Variants in PKHD1 observed in about 807,000 individuals in gnomAD.
The protein encoded by PKHD1 is fibrocystin.
Under a neutral mutation model 412.0 loss-of-function variants are expected in PKHD1, and 291 were observed. That is an observed-to-expected ratio of 0.71 (90% CI 0.64 to 0.78). PKHD1 has a LOEUF of 0.78. Among genes scored for constraint, PKHD1 ranks in the 30% least tolerant of loss-of-function variants. The pLI, the probability that PKHD1 is intolerant of heterozygous loss-of-function variation, is 0.00. For synonymous variants in PKHD1, 1,777 were observed against 1,821.5 expected (o/e 0.98, Z 0.62); for missense variants, 4,825 against 4,950.7 (o/e 0.97, Z 0.76).
chr6:51,771,806 G>A (rs1790187510), intron 55 of PKHD1, among the ~76,000 whole-genome samples: 1 of 152,082 alleles, frequency 6.6e-6, no homozygotes, highest in South Asian at 2.1e-4. Context: ...CGTCTTAGCA[G>A]TGTGTCCAAT....
At chr6:51,638,751 T>C in intron 64 of PKHD1, 98 bp downstream of exon 64, 1 of 779,616 alleles carries the variant, frequency 1.3e-6, no homozygotes, top group Non-Finnish European at 2.2e-6. Context: ...TGACCTCTTA[T>C]TCATGATAGT....
At chr6:51,868,177 T>C (rs1044364014) in intron 47 of PKHD1, 68 bp from the exon 48 acceptor site, 1 of 1,300,172 alleles carries the variant, frequency 7.7e-7, no homozygotes, top group South Asian at 1.2e-5. Flanking sequence ...ACTGGAGTGA[T>C]GGTCTTAGGA....
intron 27 of PKHD1, among the ~76,000 whole-genome samples, chr6:52,037,305 T>C (rs1380275244): frequency 6.6e-6 from 1 of 152,126 alleles, no homozygotes; most frequent in Non-Finnish European, 1.5e-5. Context: ...TTTATTTTCA[T>C]ATAATTTCAG....
intron 49 of PKHD1, among the ~76,000 whole-genome samples, chr6:51,854,920 T>C (rs1773003157): frequency 6.6e-6 from 1 of 152,238 alleles, no homozygotes; most frequent in South Asian, 2.1e-4. Context: ...GGAGCTCAAA[T>C]GGCTTAGACA....
chr6:51,952,777 ACTT>A (rs985680375), intron 36 of PKHD1, among the ~76,000 whole-genome samples: 16 of 152,070 alleles, frequency 1.1e-4, no homozygotes, highest in African/African-American at 1.2e-4. Context: ...TCTGATGCTA[ACTT>A]CTTCATCAGG....
Position 51,911,926 on chromosome 6 carries a change from C to T in PKHD1, c.6363G>A (p.Val2121=). The change falls in exon 39 of 67, where the codon GTG becomes GTA. Residue 2121 remains valine (V), a synonymous_variant. Transcript: ENST00000371117. ...RYSHNFTENW[V]AGEHHILKAT... ...CCTTTAAAATATGGTGCTCTCCAGC[C>T]ACCCAATTCTCTGTAAAGTTGTGAG... The T allele has an allele frequency of 1.2e-6, 2 of 1,611,962 alleles. No individual in the cohort carries two copies. Among genetic ancestry groups the T allele is most frequent in the Non-Finnish European group, 1.7e-6 (2 of 1,178,670 alleles).
chr6:51,881,591 T>C lies in PKHD1; in HGVS notation c.7350+1502A>G, dbSNP rs576915175. Among the ~76,000 whole-genome samples, 5 of 152,320 alleles carry C rather than the reference T, an allele frequency of 3.3e-5. No homozygotes were observed. In the South Asian group the frequency reaches 1.0e-3, roughly 32 times the overall value. ...ACATTGGTATGAACACTAATAAATG[T>C]CCTTTGCCAAAGCCATTTTCCATGT... On this transcript the variant is annotated intron_variant, in intron 46 of 66. Coordinates refer to ENST00000371117, the MANE Select transcript of PKHD1 (RefSeq NM_138694.4).
intron 64 of PKHD1, 134 bp downstream of exon 64, chr6:51,638,715 A>G (rs1768912835): frequency 1.4e-6 from 1 of 697,124 alleles, no homozygotes; most frequent in African/African-American, 1.8e-5. Context: ...TGATACAGTC[A>G]AGTGAATTTA....
At chr6:52,068,919 G>C (rs1810162160) in intron 11 of PKHD1, among the ~76,000 whole-genome samples, 2 of 152,214 alleles carry the variant, frequency 1.3e-5, no homozygotes, top group Admixed American at 1.3e-4. Flanking sequence ...TTCAGTGGCT[G>C]TGTGACTGTA....
chr6:52,020,045 G>A (rs1025556694), intron 33 of PKHD1, among the ~76,000 whole-genome samples: 2 of 152,028 alleles, frequency 1.3e-5, no homozygotes, highest in Non-Finnish European at 2.9e-5. Context: ...TCTGTAACCT[G>A]GAATGTGAAA....
rs1794875165 is a variant in PKHD1, at chr6:51,798,111, G to T, written c.8303-6738C>A. On this transcript the variant is annotated intron_variant, in intron 52 of 66. Coordinates refer to ENST00000371117, the MANE Select transcript of PKHD1 (RefSeq NM_138694.4). ...TCTAGGTTGGGGGCCAGGTGCAGTG[G>T]CTCGTGCCTGTAATTCCAGCACTTT... Among the ~76,000 whole-genome samples the T allele has an allele frequency of 2.0e-5, 3 of 152,150 alleles. No homozygotes were observed. The South Asian group carries it at 6.2e-4, about 32-fold the overall frequency.
chr6:51,935,766 A>G (rs960366601), intron 36 of PKHD1, among the ~76,000 whole-genome samples: 1 of 152,212 alleles, frequency 6.6e-6, no homozygotes, highest in African/African-American at 2.4e-5. Context: ...CTCAGGGCAT[A>G]AGCTCTTCCC....
At chr6:51,630,191 C>T (rs1767757819) in intron 65 of PKHD1, among the ~76,000 whole-genome samples, 1 of 152,152 alleles carries the variant, frequency 6.6e-6, no homozygotes. Context: ...TAAGTAACTA[C>T]TTCTTGTCAA....
intron 55 of PKHD1, among the ~76,000 whole-genome samples, chr6:51,769,787 A>G (rs1165418340): frequency 6.6e-6 from 1 of 151,512 alleles, no homozygotes; most frequent in Non-Finnish European, 1.5e-5. Context: ...CAATCATGAA[A>G]GTATTTAATG....
chr6:51,915,873 G>A (rs188212218), intron 37 of PKHD1, among the ~76,000 whole-genome samples: 8 of 152,188 alleles, frequency 5.3e-5, no homozygotes, highest in Admixed American at 2.6e-4. Flanking sequence ...GTGAGAACAC[G>A]TAGAACAAGC....
intron 60 of PKHD1, among the ~76,000 whole-genome samples, chr6:51,732,701 T>C (rs1457415550): frequency 1.3e-5 from 2 of 152,180 alleles, no homozygotes; most frequent in Non-Finnish European, 2.9e-5. Context: ...TGTAAAATGG[T>C]ACAGTTATTG....
rs1779565136 is a variant in PKHD1 at position 51,702,471 on chromosome 6, G to T, written c.10156+41914C>A. ...GGTGAAAGATAAAAGACTACAAATT[G>T]GGTTCAGTGTACACTGCTCGGGTGA... On this transcript the variant is annotated intron_variant, in intron 60 of 66. Coordinates refer to ENST00000371117, the MANE Select transcript of PKHD1 (RefSeq NM_138694.4). Among the ~76,000 whole-genome samples the T allele has an allele frequency of 1.3e-5, 2 of 151,536 alleles. 1 individual carries two copies. Among genetic ancestry groups the T allele is most frequent in the South Asian group, 4.2e-4 (2 of 4,806 alleles).
chr6:52,080,138 C>T (rs1342553527), intron 4 of PKHD1, 130 bp from the exon 5 acceptor site: 4 of 698,672 alleles, frequency 5.7e-6, no homozygotes, highest in Admixed American at 4.0e-5. Context: ...CCAGCAGTCA[C>T]CTTTCACCTC....
chr6:51,955,616 T>C (rs1291441373), intron 36 of PKHD1, among the ~76,000 whole-genome samples: 1 of 152,040 alleles, frequency 6.6e-6, no homozygotes, highest in African/African-American at 2.4e-5. Context: ...AATGGAAAAA[T>C]AATATAAAGG....
Sources: gnomAD v4.1 joint callset for allele counts (sites outside exome capture counted in the v4.1 genomes callset) on GRCh38, gnomAD v4.1.1 for gene constraint, MANE v1.5 for transcripts, NCBI Gene and HGNC (gene_info 2026-07-23, HGNC 2026-07-21) for gene names.